The following TXNL1 variants were observed in gnomAD, a reference collection of about 807,000 sequenced individuals.
TXNL1 encodes the protein thioredoxin-like protein 1.
A neutral mutation model predicts 35.5 loss-of-function variants in TXNL1; 14 were observed. The observed-to-expected ratio is 0.39, with a 90% CI of 0.26 to 0.62. TXNL1 has a LOEUF of 0.62. TXNL1 is among the 20% of genes least tolerant of loss of function. The pLI is 0.47. For missense variants in TXNL1, 263 were observed against 349.7 expected (o/e 0.75, Z 1.98); for synonymous variants, 110 against 115.5 (o/e 0.95, Z 0.31).
Position 56,603,001 on chromosome 18 carries a change from T to C in TXNL1, c.*26A>G. ...CCAGGAGCTGTAGATCTGATTGCAA[T>C]ATGGTTGTCCAGTGTCTTTTGTACC... On this transcript the variant is annotated 3_prime_UTR_variant, in exon 8 of 8. Transcript: ENST00000217515. The C allele has an allele frequency of 1.2e-6, 2 of 1,613,288 alleles. No individual in the cohort carries two copies. Among genetic ancestry groups the C allele is most frequent in the Non-Finnish European group, 1.7e-6 (2 of 1,179,388 alleles).
chr18:56,616,671 T>C (rs1047268325), intron 4 of TXNL1, among the ~76,000 whole-genome samples: 4 of 152,148 alleles, frequency 2.6e-5, no homozygotes, highest in African/African-American at 9.7e-5. Context: ...AGCACATAGC[T>C]CTACGATGGT....
In TXNL1 at chr18:56,620,715, A is replaced by C. The variant is rs941937828; in HGVS notation, c.370-2589T>G. Among the ~76,000 whole-genome samples, 6 of 152,224 alleles carry C rather than the reference A, an allele frequency of 3.9e-5. No individual in the cohort carries two copies. In the South Asian group the frequency reaches 1.2e-3, roughly 32 times the overall value. On this transcript the variant is annotated intron_variant, in intron 3 of 7. Coordinates refer to ENST00000217515, the MANE Select transcript of TXNL1 (RefSeq NM_004786.3). ...TCACATGTTCACCTCTCTATCTCAA[A>C]GGGTTTTCATTATGTTTTTTAAAGA...
chr18:56,606,193 G>A (rs643116), intron 7 of TXNL1, among the ~76,000 whole-genome samples: 37,000 of 151,974 alleles, frequency 0.24, 4,921 homozygotes, highest in African/African-American at 0.36. Context: ...TGGCTAACAC[G>A]GTGAAACCCC....
rs2023853072 is a variant in TXNL1 at position 56,604,170 on chromosome 18, T to C, written c.841-1114A>G. On this transcript the variant is annotated intron_variant, in intron 7 of 7. Coordinates refer to ENST00000217515, the MANE Select transcript of TXNL1 (RefSeq NM_004786.3). ...ACACCATGTTAGAAAGCTCACAAGG[T>C]AGCAAGATGATAAAAAGGCAGTTTC... 2.0e-5 allele frequency among the ~76,000 whole-genome samples: 3 copies of C among 152,106 alleles called. No individual in the cohort carries two copies. In the South Asian group the frequency reaches 6.2e-4, roughly 31 times the overall value.
intron 1 of TXNL1, among the ~76,000 whole-genome samples, chr18:56,630,939 G>C (rs944577583): frequency 2.0e-5 from 3 of 151,414 alleles, no homozygotes; most frequent in African/African-American, 7.3e-5. Flanking sequence ...TGAGTGCAGT[G>C]GCATAATCAT....
At chr18:56,619,537 CAAAAAA>C (rs71169375) in intron 3 of TXNL1, among the ~76,000 whole-genome samples, 1 of 82,044 alleles carries the variant, frequency 1.2e-5, no homozygotes. Context: ...ACTCTGTCTC[CAAAAAA>C]AAAAAAAAAA....
At chr18:56,607,601 C>T (rs1202071370) in intron 7 of TXNL1, among the ~76,000 whole-genome samples, 3 of 152,116 alleles carry the variant, frequency 2.0e-5, no homozygotes, top group Non-Finnish European at 2.9e-5. Context: ...GTGGCTCATG[C>T]CTCTAATCCC....
chr18:56,636,947 C>A (rs483405), intron 1 of TXNL1, among the ~76,000 whole-genome samples: 26,990 of 152,072 alleles, frequency 0.18, 3,083 homozygotes, highest in African/African-American at 0.32. Context: ...ACAGACATCA[C>A]AAAATTGCTA....
At chr18:56,634,480 C>T in intron 1 of TXNL1, among the ~76,000 whole-genome samples, 1 of 152,152 alleles carries the variant, frequency 6.6e-6, no homozygotes, top group East Asian at 1.9e-4. Flanking sequence ...AAGTTCCTTA[C>T]ACAGACTAAG....
chr18:56,631,039 C>T (rs1461784046), intron 1 of TXNL1, among the ~76,000 whole-genome samples: 1 of 151,996 alleles, frequency 6.6e-6, no homozygotes, highest in African/African-American at 2.4e-5. Context: ...TGCCACCATA[C>T]CCTGCCAATT....
At chr18:56,606,673 C>A (rs193009018) in intron 7 of TXNL1, among the ~76,000 whole-genome samples, 40 of 152,324 alleles carry the variant, frequency 2.6e-4, no homozygotes, top group African/African-American at 9.4e-4. Flanking sequence ...TAGCTGGTAA[C>A]GTCTGAGAAT....
intron 7 of TXNL1, chr18:56,608,545 T>C (rs1323519462): frequency 6.6e-6 from 1 of 152,218 alleles, no homozygotes; most frequent in African/African-American, 2.4e-5. Context: ...GTTCTCAAAG[T>C]GTGGTCTCCA....
chr18:56,606,319 G>A lies in TXNL1; in HGVS notation c.841-3263C>T, dbSNP rs576638321. Among the ~76,000 whole-genome samples, 10 of 151,772 alleles carry A rather than the reference G, an allele frequency of 6.6e-5. No homozygotes were observed. The South Asian group carries it at 2.1e-3, about 32-fold the overall frequency. ...GTAAACTCGGGAGGCAGAGCTTGCA[G>A]TGAGCCGAGATCACACCACTGCACT... On this transcript the variant is annotated intron_variant, in intron 7 of 7. Transcript: ENST00000217515.
chr18:56,634,494 T>C (rs1386026195), intron 1 of TXNL1, among the ~76,000 whole-genome samples: 2 of 152,192 alleles, frequency 1.3e-5, no homozygotes, highest in Admixed American at 1.3e-4. Context: ...GACTAAGGAA[T>C]ATGTAAGCGT....
At chr18:56,638,251 C>A in intron 1 of TXNL1, 92 bp downstream of exon 1, 2 of 1,341,660 alleles carry the variant, frequency 1.5e-6, no homozygotes, top group African/African-American at 1.5e-5. Context: ...CACTCCGGGG[C>A]AGCAGACGGC....
At chr18:56,606,205 T>C (rs2023890198) in intron 7 of TXNL1, among the ~76,000 whole-genome samples, 1 of 151,976 alleles carries the variant, frequency 6.6e-6, no homozygotes, top group Non-Finnish European at 1.5e-5. Flanking sequence ...TGAAACCCCG[T>C]CTCTACTAAA....
In TXNL1 at chr18:56,618,062, C is replaced by G; in HGVS notation, c.434G>C (p.Gly145Ala). 3 of 1,613,922 alleles carry G rather than the reference C, an allele frequency of 1.9e-6. No individual in the cohort carries two copies. The highest frequency in any genetic ancestry group is 2.2e-5 in the East Asian group (1 of 44,844). The change falls in exon 4 of 8, where the codon GGA (glycine) becomes GCA (alanine). Residue 145 changes from glycine to alanine, a missense_variant. By Grantham distance (60) the Gly-to-Ala change is moderately conservative (BLOSUM62 0). Transcript: ENST00000217515. Reference sequence around the variant, plus strand: ...GTCTTTTCGTAAACAGTTGTCAAATCCATGCTCATCACTTTCATTAAGACA... The same window carrying G: ...GTCTTTTCGTAAACAGTTGTCAAATGCATGCTCATCACTTTCATTAAGACA... Reference protein sequence around the residue: ...CECLNESDEHGFDNCLRKDTT... With the variant: ...CECLNESDEHAFDNCLRKDTT...
At chr18:56,629,285 T>C (rs184867319) in intron 1 of TXNL1, among the ~76,000 whole-genome samples, 28 of 152,326 alleles carry the variant, frequency 1.8e-4, no homozygotes, top group African/African-American at 6.0e-4. Flanking sequence ...CCCAGCACTT[T>C]GGGAGGCCAA....
chr18:56,619,481 T>C (rs759947698), intron 3 of TXNL1, among the ~76,000 whole-genome samples: 27 of 129,998 alleles, frequency 2.1e-4, no homozygotes, highest in Admixed American at 3.8e-4. Context: ...GAGGTTGCAG[T>C]GAGCCGAGAT....
Sources: allele counts gnomAD v4.1 joint callset (sites outside exome capture counted in the v4.1 genomes callset), GRCh38; gene constraint gnomAD v4.1.1; transcripts MANE v1.5; gene names NCBI Gene and HGNC (gene_info 2026-07-23, HGNC 2026-07-21).